DOK6: variants seen among roughly 807,000 people sequenced by gnomAD.
The protein encoded by DOK6 is docking protein 6.
Under a neutral mutation model 44.0 loss-of-function variants are expected in DOK6, and 22 were observed. The observed-to-expected ratio is 0.50, with a 90% CI of 0.36 to 0.71. The LOEUF (loss-of-function observed/expected upper bound fraction) is 0.71, where lower values mean the gene tolerates loss of function less well. Among genes scored for constraint, DOK6 ranks in the 30% least tolerant of loss-of-function variants. The pLI, the probability that DOK6 is intolerant of heterozygous loss-of-function variation, is 0.00. For missense variants in DOK6, 340 were observed against 416.4 expected (o/e 0.82, Z 1.60); for synonymous variants, 166 against 145.5 (o/e 1.14, Z -1.01).
chr18:69,485,238 C>G (rs1395182211), intron 1 of DOK6, among the ~76,000 whole-genome samples: 2 of 152,102 alleles, frequency 1.3e-5, no homozygotes, highest in African/African-American at 2.4e-5. Flanking sequence ...TGAGCAAGGG[C>G]AGCAAGTGAG....
intron 3 of DOK6, chr18:69,662,718 G>T (rs1985560638): frequency 6.6e-6 from 1 of 152,182 alleles, no homozygotes; most frequent in Non-Finnish European, 1.5e-5. Flanking sequence ...CTGCACTTTT[G>T]AAGATTAATT....
At chr18:69,446,096 G>A (rs960980361) in intron 1 of DOK6, among the ~76,000 whole-genome samples, 16 of 151,778 alleles carry the variant, frequency 1.1e-4, no homozygotes, top group Middle Eastern at 3.4e-3. Context: ...TAGGGTACAT[G>A]TGCACAACGT....
intron 1 of DOK6, among the ~76,000 whole-genome samples, chr18:69,435,814 C>T (rs1465779174): frequency 6.6e-6 from 1 of 151,658 alleles, no homozygotes; most frequent in Non-Finnish European, 1.5e-5. Context: ...AGTTATATTT[C>T]CCCCTCCCTC....
At chr18:69,506,448 A>C (rs866974350) in intron 1 of DOK6, among the ~76,000 whole-genome samples, 289 of 152,240 alleles carry the variant, frequency 1.9e-3, no homozygotes, top group African/African-American at 6.4e-3. Context: ...ATGATTTGTT[A>C]ACTGTCTCTG....
chr18:69,696,567 T>G (rs1180928617), intron 4 of DOK6, among the ~76,000 whole-genome samples: 1 of 152,226 alleles, frequency 6.6e-6, no homozygotes, highest in Non-Finnish European at 1.5e-5. Flanking sequence ...TATAACAATA[T>G]TTTCTCTATG....
chr18:69,650,052 G>C (rs1265609363), intron 3 of DOK6, among the ~76,000 whole-genome samples: 1 of 151,892 alleles, frequency 6.6e-6, no homozygotes, highest in Non-Finnish European at 1.5e-5. Context: ...CCAAGGAAAG[G>C]ACAAGGCAAG....
chr18:69,671,386 T>C lies in DOK6; in HGVS notation c.290-6348T>C, dbSNP rs866882195. Among the ~76,000 whole-genome samples the C allele has an allele frequency of 2.2e-3, 341 of 152,298 alleles. 2 individuals are homozygous for C. The highest frequency in any genetic ancestry group is 7.8e-3 in the African/African-American group (326 of 41,568). ...CATGATTATCTGCATCAAAGATGCA[T>C]TTAGGTGGTAACACATTTCCTTGGC... On this transcript the variant is annotated intron_variant, in intron 3 of 7. Coordinates refer to ENST00000382713, the MANE Select transcript of DOK6 (RefSeq NM_152721.6).
At chr18:69,419,114 G>A (rs889035424) in intron 1 of DOK6, among the ~76,000 whole-genome samples, 1 of 152,096 alleles carries the variant, frequency 6.6e-6, no homozygotes, top group African/African-American at 2.4e-5. Flanking sequence ...AAACAGCAGT[G>A]CAAAACTTCT....
At chr18:69,826,055 C>T (rs1157465187) in intron 7 of DOK6, among the ~76,000 whole-genome samples, 1 of 152,144 alleles carries the variant, frequency 6.6e-6, no homozygotes, top group Non-Finnish European at 1.5e-5. Flanking sequence ...CCATTACTGT[C>T]TGTGTACTTC....
At chr18:69,485,738 A>C (rs1980557728) in intron 1 of DOK6, among the ~76,000 whole-genome samples, 1 of 152,152 alleles carries the variant, frequency 6.6e-6, no homozygotes, top group African/African-American at 2.4e-5. Context: ...GAATTTTAAC[A>C]CAGACATATC....
intron 7 of DOK6, among the ~76,000 whole-genome samples, chr18:69,773,531 T>C: frequency 6.6e-6 from 1 of 152,026 alleles, no homozygotes; most frequent in East Asian, 1.9e-4. Context: ...TCCTGCCATA[T>C]GCTACATCAT....
intron 3 of DOK6, among the ~76,000 whole-genome samples, chr18:69,639,592 G>A (rs1020936663): frequency 6.6e-6 from 1 of 152,120 alleles, no homozygotes; most frequent in Non-Finnish European, 1.5e-5. Context: ...CTGCCCTCTT[G>A]TAAGGTGTTA....
At chr18:69,619,497 A>C (rs116802400) in intron 3 of DOK6, among the ~76,000 whole-genome samples, 1,794 of 152,338 alleles carry the variant, frequency 0.012, 39 homozygotes, top group African/African-American at 0.04. Context: ...CTTCGGCACT[A>C]CATGCCTCTT....
chr18:69,598,373 A>G (rs575532558), intron 2 of DOK6, among the ~76,000 whole-genome samples: 41 of 152,052 alleles, frequency 2.7e-4, no homozygotes, highest in African/African-American at 8.9e-4. Flanking sequence ...TAAAAATTCT[A>G]CATTTGGAGA....
At chr18:69,616,295 C>T (rs1443835804) in intron 3 of DOK6, among the ~76,000 whole-genome samples, 2 of 152,062 alleles carry the variant, frequency 1.3e-5, no homozygotes, top group Non-Finnish European at 2.9e-5. Flanking sequence ...CGTCGGTGTC[C>T]GTGTGTCATC....
intron 1 of DOK6, among the ~76,000 whole-genome samples, chr18:69,496,062 A>G (rs1363930304): frequency 1.3e-5 from 2 of 152,176 alleles, no homozygotes; most frequent in Non-Finnish European, 2.9e-5. Context: ...AGCTGCACCC[A>G]GGAATGTGGG....
At chr18:69,647,998 G>A (rs187320649) in intron 3 of DOK6, among the ~76,000 whole-genome samples, 54 of 152,178 alleles carry the variant, frequency 3.5e-4, no homozygotes, top group Non-Finnish European at 6.5e-4. Flanking sequence ...TTTATTTTAG[G>A]ACAGGATTAC....
chr18:69,781,007 C>T (rs35707528), intron 7 of DOK6, among the ~76,000 whole-genome samples: 7,101 of 152,226 alleles, frequency 0.047, 179 homozygotes, highest in Non-Finnish European at 0.056. Flanking sequence ...TGACAGACGG[C>T]CATTTGTCAG....
chr18:69,653,733 A>C (rs1164699408), intron 3 of DOK6, among the ~76,000 whole-genome samples: 1 of 152,236 alleles, frequency 6.6e-6, no homozygotes, highest in African/African-American at 2.4e-5. Context: ...CATGCAGTGA[A>C]GTGAACTGAT....
Sources: allele counts gnomAD v4.1 joint callset (sites outside exome capture counted in the v4.1 genomes callset), GRCh38; gene constraint gnomAD v4.1.1; transcripts MANE v1.5; gene names NCBI Gene and HGNC (gene_info 2026-07-23, HGNC 2026-07-21).